Variants in SORT1 observed in about 807,000 individuals in gnomAD.
SORT1 encodes the protein sortilin.
SORT1 carries 39 observed loss-of-function variants against 101.7 expected under a neutral mutation model. The observed-to-expected ratio is 0.38, with a 90% CI of 0.30 to 0.50. SORT1 has a LOEUF of 0.50. Ranked by LOEUF, SORT1 falls within the 20% of genes least tolerant of loss-of-function variation. The pLI, the probability that SORT1 is intolerant of heterozygous loss-of-function variation, is 0.90. For synonymous variants in SORT1, 396 were observed against 393.7 expected, an observed-to-expected ratio of 1.01 and a Z score of -0.07; for missense variants, 878 against 1,040.4, an observed-to-expected ratio of 0.84 and a Z score of 2.15.
rs1286226530 is a variant in SORT1, at chr1:109,310,899, A to C, written c.*3144T>G. 1 of 152,206 alleles carries C rather than the reference A, an allele frequency of 6.6e-6. No individual in the cohort carries two copies. Among genetic ancestry groups the C allele is most frequent in the Non-Finnish European group, 1.5e-5 (1 of 68,060 alleles). The allele number at this position is 152,206 out of a possible 1,614,324, so 9.4% of individuals were successfully genotyped here. A position where few individuals can be genotyped will look rare whatever the true frequency, so the allele number is the denominator to read the frequency against. On this transcript the variant is annotated 3_prime_UTR_variant, in exon 20 of 20. Transcript: ENST00000256637. ...GATGCAGGAGCTGGAGGTGGCCAGC[A>C]CATTACCAGCCTGTCAAGGATGAAA... is the stretch of plus-strand genomic sequence containing the variant.
chr1:109,372,934 G>C (rs1488404712), intron 1 of SORT1, among the ~76,000 whole-genome samples: 1 of 150,820 alleles, frequency 6.6e-6, no homozygotes, highest in Non-Finnish European at 1.5e-5. Flanking sequence ...AATTAGCCAG[G>C]CGCGGTAGCT....
chr1:109,348,606 A>G (rs1376881457), intron 6 of SORT1, among the ~76,000 whole-genome samples: 5 of 151,902 alleles, frequency 3.3e-5, no homozygotes, highest in African/African-American at 1.2e-4. Context: ...CTCCCATCTC[A>G]TTCTCTTGAG....
At chr1:109,365,492 A>G (rs1241939707) in intron 3 of SORT1, among the ~76,000 whole-genome samples, 4 of 152,240 alleles carry the variant, frequency 2.6e-5, no homozygotes, top group African/African-American at 9.6e-5. Flanking sequence ...CTCCCCAAAT[A>G]GGATGTTTTT....
intron 3 of SORT1, 152 bp from the exon 4 acceptor site, chr1:109,355,621 G>T: frequency 2.1e-6 from 1 of 485,282 alleles, no homozygotes; most frequent in South Asian, 2.2e-5. Flanking sequence ...AGGTGCCCTG[G>T]TGAGTCCGAA....
Position 109,314,677 on chromosome 1 carries a change from C to A in SORT1, c.2352G>T (p.Gly784=). ...TTGACTTCTGTGTTCCTTACCTTCC[C>A]CCACAGACATATTTCTTCACAATGA... The part of the protein sequence containing the change: ...GVLIVKKYVC[G]GRFLVHRYSV... The change falls in exon 18 of 20, where the codon GGG becomes GGT. Residue 784 remains glycine (G), a synonymous_variant. Transcript: ENST00000256637. 1 of 1,583,858 alleles carries A rather than the reference C, an allele frequency of 6.3e-7. No individual in the cohort carries two copies. The highest frequency in any genetic ancestry group is 8.7e-7 in the Non-Finnish European group (1 of 1,152,448).
At position 109,352,134 on chromosome 1, in the gene SORT1, G is replaced by C. The variant is rs112987420; in HGVS notation, c.709-1132C>G. On this transcript the variant is annotated intron_variant, in intron 5 of 19. Coordinates refer to ENST00000256637, the MANE Select transcript of SORT1 (RefSeq NM_002959.7). ...AGATCAGGTCTGAGAGAAGAGTAGG[G>C]AGGAAGCTCAGTTTTAAATTGATTT... Among the ~76,000 whole-genome samples, 1,326 of 152,262 alleles carry C rather than the reference G, an allele frequency of 8.7e-3. 6 individuals carry two copies. The highest frequency in any genetic ancestry group is 0.014 in the Non-Finnish European group (943 of 68,022).
At chr1:109,359,637 T>A (rs1462104458) in intron 3 of SORT1, among the ~76,000 whole-genome samples, 1 of 152,064 alleles carries the variant, frequency 6.6e-6, no homozygotes, top group Admixed American at 6.6e-5. Flanking sequence ...GTAGCTGGGA[T>A]TACAGGTATG....
intron 1 of SORT1, among the ~76,000 whole-genome samples, chr1:109,370,204 T>A (rs1405264346): frequency 6.6e-6 from 1 of 152,228 alleles, no homozygotes; most frequent in African/African-American, 2.4e-5. Context: ...GGAAAGCTGG[T>A]ATATTATATC....
intron 3 of SORT1, among the ~76,000 whole-genome samples, chr1:109,362,207 A>T (rs1245772346): frequency 6.6e-6 from 1 of 152,214 alleles, no homozygotes; most frequent in African/African-American, 2.4e-5. Context: ...CACATAAAAC[A>T]AAGTTATGTA....
At chr1:109,379,998 A>G (rs531095789) in intron 1 of SORT1, among the ~76,000 whole-genome samples, 1 of 152,324 alleles carries the variant, frequency 6.6e-6, no homozygotes, top group Admixed American at 6.5e-5. Context: ...AGAAATGGCC[A>G]GGCACAGTGG....
In SORT1 at chr1:109,312,972, A is replaced by T. The variant is rs889406667; in HGVS notation, c.*1071T>A. On this transcript the variant is annotated 3_prime_UTR_variant, in exon 20 of 20. Coordinates refer to ENST00000256637, the MANE Select transcript of SORT1 (RefSeq NM_002959.7). The stretch of plus-strand genomic sequence containing the variant: ...TAAAATTCTAATTTTTTAAGTCTAT[A>T]AATCTGAAAAAATCTCTAGTCCTGG... 4 of 152,242 alleles carry T rather than the reference A, an allele frequency of 2.6e-5. No individual in the cohort carries two copies. Among genetic ancestry groups the T allele is most frequent in the African/African-American group, 9.6e-5 (4 of 41,464 alleles). 9.4% of individuals were successfully genotyped at this position (152,242 alleles called of 1,614,324 possible).
chr1:109,364,731 C>G (rs1377835474), intron 3 of SORT1, among the ~76,000 whole-genome samples: 2 of 152,116 alleles, frequency 1.3e-5, no homozygotes, highest in Admixed American at 6.5e-5. Flanking sequence ...TGCCTGAAGG[C>G]TTCAAATTCA....
rs1557802919 is a variant in SORT1, at chr1:109,351,012, TATAA to T, written c.709-14_709-11del. 6.4e-7 allele frequency: 1 copy of T among 1,570,518 alleles called. No individual in the cohort carries two copies. The highest frequency in any genetic ancestry group is 8.8e-7 in the Non-Finnish European group (1 of 1,140,094). On this transcript the variant is annotated splice_polypyrimidine_tract_variant and intron_variant, in intron 5 of 19. Transcript: ENST00000256637. ...ACACCCACAGGCCATTCTGAAAGATTATAAATGACTTATCAAAATTCTAGCTTTA... is the reference window on the plus strand; with the variant it reads ...ACACCCACAGGCCATTCTGAAAGATTATGACTTATCAAAATTCTAGCTTTA...
At chr1:109,381,794 G>A (rs1557824606) in intron 1 of SORT1, among the ~76,000 whole-genome samples, 1 of 152,070 alleles carries the variant, frequency 6.6e-6, no homozygotes, top group Non-Finnish European at 1.5e-5. Context: ...AGCCCAGGAG[G>A]TCAAGGCTAC....
At chr1:109,316,382 TA>T (rs771781867) in intron 17 of SORT1, among the ~76,000 whole-genome samples, 112 of 152,144 alleles carry the variant, frequency 7.4e-4, no homozygotes, top group Non-Finnish European at 1.4e-3. Flanking sequence ...CACACCCAGC[TA>T]ATTTTTGTAA....
chr1:109,349,505 C>T (rs1310603591), intron 6 of SORT1, among the ~76,000 whole-genome samples: 3 of 152,074 alleles, frequency 2.0e-5, no homozygotes, highest in Non-Finnish European at 2.9e-5. Flanking sequence ...GTAGCCCATA[C>T]CTATAATCCC....
At chr1:109,339,695 C>T (rs1649080327) in intron 10 of SORT1, among the ~76,000 whole-genome samples, 1 of 152,134 alleles carries the variant, frequency 6.6e-6, no homozygotes, top group African/African-American at 2.4e-5. Context: ...AAAAGAGAAA[C>T]ATGGAATTAT....
At chr1:109,344,961 T>C (rs1385323857) in intron 8 of SORT1, among the ~76,000 whole-genome samples, 1 of 152,066 alleles carries the variant, frequency 6.6e-6, no homozygotes, top group African/African-American at 2.4e-5. Flanking sequence ...CCTCCCAAAG[T>C]CCTGAGATTA....
At chr1:109,387,673 G>T (rs763312806) in intron 1 of SORT1, among the ~76,000 whole-genome samples, 1 of 151,950 alleles carries the variant, frequency 6.6e-6, no homozygotes, top group African/African-American at 2.4e-5. Context: ...AGGCATTTTG[G>T]GCTGGGCGCG....
Sources: allele counts gnomAD v4.1 joint callset (sites outside exome capture counted in the v4.1 genomes callset), GRCh38; gene constraint gnomAD v4.1.1; transcripts MANE v1.5; gene names NCBI Gene and HGNC (gene_info 2026-07-23, HGNC 2026-07-21).